Variants in IFIH1 observed in about 807,000 individuals in gnomAD.
IFIH1 encodes interferon induced with helicase C domain 1.
IFIH1 carries 125 observed loss-of-function variants against 107.4 expected under a neutral mutation model. The observed-to-expected ratio is 1.16, with a 90% CI of 1.01 to 1.35. The LOEUF (loss-of-function observed/expected upper bound fraction) is 1.35, where lower values mean the gene tolerates loss of function less well. Ranked by LOEUF, IFIH1 falls within the 40% of genes most tolerant of loss-of-function variation. IFIH1 has a pLI of 0.00. For missense variants in IFIH1, 1,333 were observed against 1,213.7 expected (o/e 1.10, Z -1.46); for synonymous variants, 458 against 413.2 (o/e 1.11, Z -1.31).
At chr2:162,305,339 T>TG (rs922995872) in intron 3 of IFIH1, among the ~76,000 whole-genome samples, 2 of 151,398 alleles carry the variant, frequency 1.3e-5, no homozygotes, top group African/African-American at 4.9e-5. Flanking sequence ...GGAGGCCGAG[T>TG]GGGGGGGATC....
At chr2:162,272,456 G>GCAA in intron 12 of IFIH1, 69 bp from the exon 13 acceptor site, 1 of 1,323,136 alleles carries the variant, frequency 7.6e-7, no homozygotes, top group Non-Finnish European at 1.1e-6. Flanking sequence ...GTTTTTTCTG[G>GCAA]GAATGATATT....
At chr2:162,298,898 G>A (rs1683144423) in intron 3 of IFIH1, among the ~76,000 whole-genome samples, 1 of 151,804 alleles carries the variant, frequency 6.6e-6, no homozygotes, top group African/African-American at 2.4e-5. Flanking sequence ...CACCCACCTT[G>A]CATATTCTCT....
At chr2:162,314,411 C>CT (rs1446087034) in intron 1 of IFIH1, among the ~76,000 whole-genome samples, 106 of 60,996 alleles carry the variant, frequency 1.7e-3, no homozygotes, top group Non-Finnish European at 2.0e-3. Flanking sequence ...TTCTTTCTTT[C>CT]TTTCTTTTCT....
rs1437093265 is a variant in IFIH1, at chr2:162,294,036, C to G, written c.770-368G>C. ...TTAAACAAAAAATAATACATAGAAACCTTTGAGGTCTTTTCATTTAAAATG... is the reference window on the plus strand; with the variant it reads ...TTAAACAAAAAATAATACATAGAAAGCTTTGAGGTCTTTTCATTTAAAATG... On this transcript the variant is annotated intron_variant, in intron 3 of 15. Transcript: ENST00000649979. Among the ~76,000 whole-genome samples the G allele has an allele frequency of 3.3e-5, 5 of 151,666 alleles. No individual in the cohort carries two copies. In the East Asian group the frequency reaches 9.7e-4, roughly 29 times the overall value.
chr2:162,305,025 G>T (rs1249484409), intron 3 of IFIH1, among the ~76,000 whole-genome samples: 2 of 152,094 alleles, frequency 1.3e-5, no homozygotes, highest in Non-Finnish European at 2.9e-5. Context: ...TTCAACAATT[G>T]GTCAATTAAT....
At chr2:162,279,161 A>C (rs903598099) in intron 8 of IFIH1, among the ~76,000 whole-genome samples, 2 of 152,126 alleles carry the variant, frequency 1.3e-5, no homozygotes, top group Non-Finnish European at 2.9e-5. Context: ...ATAAGTAACA[A>C]AAAAAGGAAA....
chr2:162,299,417 C>T (rs965275275), intron 3 of IFIH1, among the ~76,000 whole-genome samples: 2 of 152,150 alleles, frequency 1.3e-5, no homozygotes, highest in African/African-American at 4.8e-5. Flanking sequence ...GATACGAATA[C>T]ACTAAGGGTG....
chr2:162,318,017 A>C lies in IFIH1; in HGVS notation c.291T>G (p.Pro97=), dbSNP rs2105238133. Residue 97 remains proline, a synonymous_variant, in exon 1 of 16, where the codon CCT becomes CCG. Coordinates refer to ENST00000649979, the MANE Select transcript of IFIH1 (RefSeq NM_022168.4). ...GSPLAARYMN[P]ELTDLPSPSF... ...ATGGAGAGGGCAAGTCCGTGAGCTC[A>C]GGGTTCATGTAGCGGGCGGCCAGAG... 6.2e-7 allele frequency: 1 copy of C among 1,614,186 alleles called. No homozygotes were observed. The highest frequency in any genetic ancestry group is 2.2e-5 in the East Asian group (1 of 44,868).
intron 3 of IFIH1, among the ~76,000 whole-genome samples, chr2:162,306,067 C>G (rs1441580794): frequency 6.6e-6 from 1 of 152,146 alleles, no homozygotes; most frequent in Admixed American, 6.5e-5. Context: ...CTTGTGAAAA[C>G]AGAATAAGTC....
Position 162,317,976 on chromosome 2 carries a change from T to C in IFIH1, c.332A>G (p.His111Arg), listed in dbSNP as rs2105237997. 3 of 1,614,014 alleles carry C rather than the reference T, an allele frequency of 1.9e-6. No individual in the cohort carries two copies. The highest frequency in any genetic ancestry group is 2.5e-6 in the Non-Finnish European group (3 of 1,179,866). Residue 111 changes from histidine to arginine, a missense_variant, in exon 1 of 16, where the codon CAT (histidine) becomes CGT (arginine). Transcript: ENST00000649979. ...GTTCAGCAGTTGGAGATATTCATCA[T>C]GAGCGTTCTCAAACGATGGAGAGGG... Reference protein sequence around the residue: ...DLPSPSFENAHDEYLQLLNLL... With the variant: ...DLPSPSFENARDEYLQLLNLL...
chr2:162,294,620 A>G (rs1312918361), intron 3 of IFIH1, among the ~76,000 whole-genome samples: 1 of 151,990 alleles, frequency 6.6e-6, no homozygotes, highest in Non-Finnish European at 1.5e-5. Context: ...GATAATCTTT[A>G]AGTAATATTA....
Position 162,268,077 on chromosome 2 carries a change from C to G in IFIH1, c.2807+10G>C. ...TGGAAAAATGTAAAAATGGGTCTTT[C>G]TGGACTCACTTGAATTCTGGGGTCA... On this transcript the variant is annotated intron_variant, in intron 14 of 15. Transcript: ENST00000649979. The G allele has an allele frequency of 1.3e-6, 2 of 1,576,878 alleles. No individual in the cohort carries two copies. The highest frequency in any genetic ancestry group is 1.7e-6 in the Non-Finnish European group (2 of 1,161,686).
At chr2:162,267,594 C>A (rs36070180) in intron 14 of IFIH1, 25 bp from the exon 15 acceptor site, 1 of 1,518,112 alleles carries the variant, frequency 6.6e-7, no homozygotes, top group Non-Finnish European at 9.2e-7. Flanking sequence ...GGGAAAGAAT[C>A]ATCATGGAGA....
In IFIH1 at chr2:162,268,174, C is replaced by G; in HGVS notation, c.2720G>C (p.Cys907Ser). 1 of 1,613,440 alleles carries G rather than the reference C, an allele frequency of 6.2e-7. No homozygotes were observed. Among genetic ancestry groups the G allele is most frequent in the African/African-American group, 1.3e-5 (1 of 75,000 alleles). Residue 907 changes from cysteine to serine, a missense_variant, in exon 14 of 16, where the codon TGC becomes TCC. Coordinates refer to ENST00000649979, the MANE Select transcript of IFIH1 (RefSeq NM_022168.4). ...KNNPSLITFL[C>S]KNCSVLACSG... ...ACAGGCTAGCACACTGCAGTTTTTG[C>G]AAAGGAAAGTTATTAGTGATGGGTT... is the stretch of plus-strand genomic sequence containing the variant.
chr2:162,293,009 A>C (rs1012015096), intron 4 of IFIH1, among the ~76,000 whole-genome samples: 6 of 151,900 alleles, frequency 3.9e-5, no homozygotes, highest in African/African-American at 1.4e-4. Flanking sequence ...CTGGTGGAAT[A>C]TACAACTGAT....
rs949117862 is a variant in IFIH1 at position 162,279,938 on chromosome 2, C to T, written c.1641+58G>A. The T allele has an allele frequency of 7.6e-6, 7 of 926,006 alleles. No individual in the cohort carries two copies. In the African/African-American group the frequency reaches 1.2e-4, roughly 15 times the overall value. 57.4% of individuals were successfully genotyped at this position (926,006 alleles called of 1,614,324 possible). On this transcript the variant is annotated intron_variant, in intron 8 of 15. Coordinates refer to ENST00000649979, the MANE Select transcript of IFIH1 (RefSeq NM_022168.4). ...ATGGTCAGTATAAAATAGCCTTTGCCATCTTTCTACTGAATGTAGTATTGT... is the reference window on the plus strand; with the variant it reads ...ATGGTCAGTATAAAATAGCCTTTGCTATCTTTCTACTGAATGTAGTATTGT...
At chr2:162,291,821 C>A (rs1263091176) in intron 4 of IFIH1, among the ~76,000 whole-genome samples, 4 of 151,774 alleles carry the variant, frequency 2.6e-5, no homozygotes, top group Non-Finnish European at 5.9e-5. Flanking sequence ...CACTTGTGGG[C>A]AAGGAATTTC....
intron 5 of IFIH1, among the ~76,000 whole-genome samples, chr2:162,286,044 G>T (rs887867369): frequency 1.3e-5 from 2 of 151,900 alleles, no homozygotes; most frequent in African/African-American, 4.8e-5. Context: ...GCACTGGTAT[G>T]ATCTTATCTG....
At chr2:162,285,608 C>T (rs1682880970) in intron 5 of IFIH1, among the ~76,000 whole-genome samples, 1 of 151,926 alleles carries the variant, frequency 6.6e-6, no homozygotes, top group Non-Finnish European at 1.5e-5. Flanking sequence ...GAATTAGAGT[C>T]AAGTCCCCAG....
Sources: gnomAD v4.1 joint callset for allele counts (sites outside exome capture counted in the v4.1 genomes callset) on GRCh38, gnomAD v4.1.1 for gene constraint, MANE v1.5 for transcripts, NCBI Gene and HGNC (gene_info 2026-07-23, HGNC 2026-07-21) for gene names.